Variants in ATXN1 observed in about 807,000 individuals in gnomAD.
ATXN1 encodes the protein ataxin-1.
A neutral mutation model predicts 56.4 loss-of-function variants in ATXN1; 8 were observed. The observed-to-expected ratio is 0.14, with a 90% CI of 0.08 to 0.26. ATXN1 has a LOEUF of 0.26. ATXN1 is among the 10% of genes least tolerant of loss of function. The pLI, the probability that ATXN1 is intolerant of heterozygous loss-of-function variation, is 1.00. For synonymous variants in ATXN1, 514 were observed against 494.6 expected, an observed-to-expected ratio of 1.04 and a Z score of -0.52; for missense variants, 987 against 1,106.5, an observed-to-expected ratio of 0.89 and a Z score of 1.53.
chr6:16,690,625 A>G (rs1212871612), intron 2 of ATXN1, among the ~76,000 whole-genome samples: 1 of 152,228 alleles, frequency 6.6e-6, no homozygotes, highest in Non-Finnish European at 1.5e-5. Flanking sequence ...TTATTGAGAA[A>G]AAGTAACTCA....
chr6:16,724,908 G>A (rs1015125725), intron 2 of ATXN1, among the ~76,000 whole-genome samples: 1 of 152,094 alleles, frequency 6.6e-6, no homozygotes, highest in Non-Finnish European at 1.5e-5. Flanking sequence ...TGAGGATCCC[G>A]CCATGGCCTG....
At chr6:16,673,607 AT>A (rs1468300275) in intron 2 of ATXN1, among the ~76,000 whole-genome samples, 1 of 152,138 alleles carries the variant, frequency 6.6e-6, no homozygotes, top group Non-Finnish European at 1.5e-5. Flanking sequence ...TGTTTGGTGC[AT>A]TGTAGGATAT....
intron 6 of ATXN1, among the ~76,000 whole-genome samples, chr6:16,344,218 A>C: frequency 6.6e-6 from 1 of 152,172 alleles, no homozygotes; most frequent in East Asian, 1.9e-4. Context: ...CCGTTCAGGA[A>C]CCGTTTCCTC....
At chr6:16,432,413 A>G (rs1759304949) in intron 6 of ATXN1, among the ~76,000 whole-genome samples, 1 of 152,210 alleles carries the variant, frequency 6.6e-6, no homozygotes, top group Admixed American at 6.5e-5. Context: ...GAACCTCTAT[A>G]CTAAATGTCA....
chr6:16,501,215 C>A (rs150562725), intron 5 of ATXN1, among the ~76,000 whole-genome samples: 7 of 152,356 alleles, frequency 4.6e-5, no homozygotes, highest in African/African-American at 1.7e-4. Context: ...TAACAACTTA[C>A]TTTTCCTTAA....
At chr6:16,472,452 G>C (rs1467487168) in intron 6 of ATXN1, among the ~76,000 whole-genome samples, 1 of 152,110 alleles carries the variant, frequency 6.6e-6, no homozygotes, top group East Asian at 1.9e-4. Flanking sequence ...CTTCCTTTCA[G>C]TATAGAATGC....
intron 3 of ATXN1, among the ~76,000 whole-genome samples, chr6:16,657,109 A>G (rs1581337393): frequency 8.2e-6 from 1 of 122,578 alleles, no homozygotes; most frequent in East Asian, 2.7e-4. Context: ...TCAGCCTCCC[A>G]AGTAGCTGGG....
chr6:16,451,952 G>A (rs1759762770), intron 6 of ATXN1, among the ~76,000 whole-genome samples: 2 of 152,126 alleles, frequency 1.3e-5, no homozygotes, highest in African/African-American at 4.8e-5. Context: ...AGTTTCCTCT[G>A]CATATAGAAA....
At chr6:16,335,595 G>A (rs1761101961) in intron 6 of ATXN1, among the ~76,000 whole-genome samples, 1 of 152,206 alleles carries the variant, frequency 6.6e-6, no homozygotes, top group Non-Finnish European at 1.5e-5. Flanking sequence ...AATAAGGAAG[G>A]ACAGTGGGTT....
chr6:16,348,467 G>C (rs751584771), intron 6 of ATXN1, among the ~76,000 whole-genome samples: 6 of 152,064 alleles, frequency 3.9e-5, no homozygotes, highest in Admixed American at 1.3e-4. Context: ...AGAGGCCGAG[G>C]GGGGGCAGAT....
At chr6:16,731,549 C>G (rs1474148944) in intron 2 of ATXN1, among the ~76,000 whole-genome samples, 1 of 139,404 alleles carries the variant, frequency 7.2e-6, no homozygotes, top group Non-Finnish European at 1.5e-5. Flanking sequence ...CGACCAAGGG[C>G]TGCAAGGCTT....
intron 2 of ATXN1, among the ~76,000 whole-genome samples, chr6:16,660,838 T>TTG (rs1252597225): frequency 2.7e-5 from 4 of 145,898 alleles, no homozygotes; most frequent in African/African-American, 1.0e-4. Context: ...TTTGGTTTTT[T>TTG]TTTTTTTTTT....
At chr6:16,570,790 A>C (rs149712678) in intron 4 of ATXN1, among the ~76,000 whole-genome samples, 17 of 152,328 alleles carry the variant, frequency 1.1e-4, no homozygotes, top group African/African-American at 3.6e-4. Flanking sequence ...ATAAAAACTA[A>C]GTTAAGATGT....
chr6:16,685,190 C>A lies in ATXN1; in HGVS notation c.-614-27289G>T, dbSNP rs6899699. Among the ~76,000 whole-genome samples, 368 of 152,268 alleles carry A rather than the reference C, an allele frequency of 2.4e-3. 1 individual carries two copies. Among genetic ancestry groups the A allele is most frequent in the African/African-American group, 8.2e-3 (342 of 41,544 alleles). ...TTGTAAATTTTTGCCACATCAGTAT[C>A]CCACTTTGATCACTAATGCCATTTG... On this transcript the variant is annotated intron_variant, in intron 2 of 7. Transcript: ENST00000436367.
In ATXN1 at chr6:16,305,321, A is replaced by G. The variant is rs1487547862; in HGVS notation, c.*1008T>C. 1 of 152,438 alleles carries G rather than the reference A, an allele frequency of 6.6e-6. No individual in the cohort carries two copies. Among genetic ancestry groups the G allele is most frequent in the East Asian group, 1.9e-4 (1 of 5,202 alleles). 9.4% of individuals were successfully genotyped at this position (152,438 alleles called of 1,614,324 possible). On this transcript the variant is annotated 3_prime_UTR_variant, in exon 8 of 8. Coordinates refer to ENST00000436367, the MANE Select transcript of ATXN1 (RefSeq NM_001128164.2). ...CGAGTTGTCCATAGTCATGAACTAT[A>G]AACAGTACTAGAGTTCAAAGACAAA...
rs185478922 is a variant in ATXN1, at chr6:16,619,181, T to A, written c.-488-33274A>T. Reference sequence around the variant, plus strand: ...TGTCCAGAGTGCAGACACATGAACGTTCTTTGTCATGGTTGGCAAGTGCTC... The same window carrying A: ...TGTCCAGAGTGCAGACACATGAACGATCTTTGTCATGGTTGGCAAGTGCTC... On this transcript the variant is annotated intron_variant, in intron 3 of 7. Coordinates refer to ENST00000436367, the MANE Select transcript of ATXN1 (RefSeq NM_001128164.2). Among the ~76,000 whole-genome samples, 344 of 152,240 alleles carry A rather than the reference T, an allele frequency of 2.3e-3. 1 individual carries two copies. Among genetic ancestry groups the A allele is most frequent in the Middle Eastern group, 6.8e-3 (2 of 294 alleles).
intron 4 of ATXN1, among the ~76,000 whole-genome samples, chr6:16,583,729 G>C (rs1186239695): frequency 1.3e-5 from 2 of 152,128 alleles, no homozygotes; most frequent in Non-Finnish European, 2.9e-5. Flanking sequence ...TCAAAGCTCT[G>C]TGAAAAATGG....
At chr6:16,478,405 G>A (rs370134035) in intron 6 of ATXN1, among the ~76,000 whole-genome samples, 1 of 152,196 alleles carries the variant, frequency 6.6e-6, no homozygotes, top group South Asian at 2.1e-4. Flanking sequence ...GCCGAAGTAT[G>A]ACAGCCAGAA....
At chr6:16,320,911 T>G (rs1458220687) in intron 7 of ATXN1, among the ~76,000 whole-genome samples, 1 of 152,232 alleles carries the variant, frequency 6.6e-6, no homozygotes, top group Non-Finnish European at 1.5e-5. Context: ...AATGGCTTAT[T>G]GTGCTCATTG....
Sources: gnomAD v4.1 joint callset for allele counts (sites outside exome capture counted in the v4.1 genomes callset) on GRCh38, gnomAD v4.1.1 for gene constraint, MANE v1.5 for transcripts, NCBI Gene and HGNC (gene_info 2026-07-23, HGNC 2026-07-21) for gene names.